Variants in LRP1B observed in about 807,000 individuals in gnomAD.
LRP1B encodes the protein low-density lipoprotein receptor-related protein 1B.
In LRP1B, 217 loss-of-function variants were observed where a neutral mutation model predicts 556.6. That is an observed-to-expected ratio of 0.39 (90% CI 0.35 to 0.44). The LOEUF (loss-of-function observed/expected upper bound fraction) is 0.44. LRP1B is among the 20% of genes least tolerant of loss of function. LRP1B has a pLI of 1.00. For synonymous variants in LRP1B, 2,047 were observed against 1,865.8 expected (o/e 1.10, Z -2.50); for missense variants, 5,053 against 5,620.8 (o/e 0.90, Z 3.23).
intron 7 of LRP1B, among the ~76,000 whole-genome samples, chr2:141,118,045 G>A (rs1206432812): frequency 6.6e-6 from 1 of 151,820 alleles, no homozygotes; most frequent in East Asian, 1.9e-4. Context: ...AAAAAGCCTG[G>A]TACATTATTC....
intron 3 of LRP1B, among the ~76,000 whole-genome samples, chr2:141,436,343 TTA>T (rs1680763826): frequency 6.6e-6 from 1 of 152,100 alleles, no homozygotes; most frequent in African/African-American, 2.4e-5. Context: ...ATAATCTCAA[TTA>T]TATATGGAAT....
rs535625889 is a variant in LRP1B, at chr2:141,764,448, C to T, written c.205+45831G>A. 2.6e-5 allele frequency among the ~76,000 whole-genome samples: 4 copies of T among 152,294 alleles called. No individual in the cohort carries two copies. In the East Asian group the frequency reaches 7.7e-4, roughly 29 times the overall value. On this transcript the variant is annotated intron_variant, in intron 2 of 90. Transcript: ENST00000389484. ...CCACCTGCCTCGGCCTCCCAAAGTG[C>T]TGGGATTACAGGCGTGAGCCACCGC... is the stretch of plus-strand genomic sequence containing the variant.
chr2:141,427,940 T>A (rs1191407963), intron 3 of LRP1B, among the ~76,000 whole-genome samples: 2 of 152,180 alleles, frequency 1.3e-5, no homozygotes, highest in Non-Finnish European at 2.9e-5. Context: ...AGCACTTTTT[T>A]ATAAATCTAA....
At position 140,712,595 on chromosome 2, in the gene LRP1B, C is replaced by T. The variant is rs554277337; in HGVS notation, c.6023+3378G>A. 4.3e-4 allele frequency among the ~76,000 whole-genome samples: 66 copies of T among 152,064 alleles called. No homozygotes were observed. The South Asian group carries it at 9.8e-3, about 22-fold the overall frequency. On this transcript the variant is annotated intron_variant, in intron 37 of 90. Transcript: ENST00000389484. ...TATGAATATGTGCAATATCCCCATA[C>T]TAAGAAAAACCTTATACTCTACAAT...
chr2:140,430,787 G>T (rs1203361573), intron 66 of LRP1B, among the ~76,000 whole-genome samples: 1 of 152,096 alleles, frequency 6.6e-6, no homozygotes, highest in Non-Finnish European at 1.5e-5. Flanking sequence ...TTCCATCCTG[G>T]AAATCTATCC....
intron 27 of LRP1B, among the ~76,000 whole-genome samples, chr2:140,863,736 CGTTTT>C (rs1692866494): frequency 6.6e-6 from 1 of 152,068 alleles, no homozygotes; most frequent in Non-Finnish European, 1.5e-5. Flanking sequence ...AGGTTTGTTT[CGTTTT>C]TAGTACCACA....
rs1684708646 is a variant in LRP1B, at chr2:140,405,828, C to T, written c.10415-19819G>A. ...ACCAAAATATTGAGAAAGATAGAAT[C>T]CTTCCTAAATCATTCTATGAAGCCA... On this transcript the variant is annotated intron_variant, in intron 66 of 90. Transcript: ENST00000389484. Among the ~76,000 whole-genome samples the T allele has an allele frequency of 2.6e-5, 4 of 152,080 alleles. No individual in the cohort carries two copies. In the East Asian group the frequency reaches 5.8e-4, roughly 22 times the overall value.
chr2:140,354,304 A>G lies in LRP1B; in HGVS notation c.11531-1232T>C, dbSNP rs1008510948. Among the ~76,000 whole-genome samples, 9 of 152,100 alleles carry G rather than the reference A, an allele frequency of 5.9e-5. 1 individual carries two copies. Among genetic ancestry groups the G allele is most frequent in the African/African-American group, 2.2e-4 (9 of 41,444 alleles). ...GTTCTAAGGGCTCAGAGGTAGAGACACTTGTAAATCACAACGTCAAGGCTT... is the reference window on the plus strand; with the variant it reads ...GTTCTAAGGGCTCAGAGGTAGAGACGCTTGTAAATCACAACGTCAAGGCTT... On this transcript the variant is annotated intron_variant, in intron 75 of 90. Coordinates refer to ENST00000389484, the MANE Select transcript of LRP1B (RefSeq NM_018557.3).
intron 2 of LRP1B, among the ~76,000 whole-genome samples, chr2:141,624,984 G>T (rs1329874305): frequency 2.6e-5 from 4 of 152,074 alleles, no homozygotes; most frequent in African/African-American, 9.7e-5. Flanking sequence ...TAGCCAGGAT[G>T]GTCTCGATCT....
At position 141,490,930 on chromosome 2, in the gene LRP1B, GTTTTT is replaced by G. The variant is rs67482957; in HGVS notation, c.206-10402_206-10398del. Among the ~76,000 whole-genome samples the G allele has an allele frequency of 3.9e-3, 525 of 135,754 alleles. 5 individuals are homozygous for G. Among genetic ancestry groups the G allele is most frequent in the African/African-American group, 0.012 (437 of 35,548 alleles). 89.1% of individuals were successfully genotyped at this position (135,754 alleles called of 152,430 possible). The stretch of plus-strand genomic sequence containing the variant: ...CCTCCACTTCCACCTAGGTTAAAAT[GTTTTT>G]TTTTTTTTTTTTTTTTTTAATCTCT... On this transcript the variant is annotated intron_variant, in intron 2 of 90. Coordinates refer to ENST00000389484, the MANE Select transcript of LRP1B (RefSeq NM_018557.3).
rs1035352081 is a variant in LRP1B at position 141,483,680 on chromosome 2, T to C, written c.206-3147A>G. On this transcript the variant is annotated intron_variant, in intron 2 of 90. Transcript: ENST00000389484. ...CTAACTGGTGTGAGATGGTATCTCA[T>C]TGTGGTTCTGATTTGCATTTCTCTG... 3.9e-5 allele frequency among the ~76,000 whole-genome samples: 6 copies of C among 152,170 alleles called. No homozygotes were observed. The East Asian group carries it at 5.8e-4, about 15-fold the overall frequency.
At chr2:141,892,189 A>G (rs181828230) in intron 1 of LRP1B, among the ~76,000 whole-genome samples, 30 of 152,034 alleles carry the variant, frequency 2.0e-4, no homozygotes, top group African/African-American at 7.2e-4. Flanking sequence ...ATCAAATACA[A>G]AACAAGATGA....
At chr2:140,860,803 C>T (rs187016094) in intron 27 of LRP1B, among the ~76,000 whole-genome samples, 3 of 151,922 alleles carry the variant, frequency 2.0e-5, no homozygotes, top group African/African-American at 7.2e-5. Context: ...GAAGAAAACA[C>T]CTTTGGGCTG....
chr2:140,967,803 G>GT lies in LRP1B; in HGVS notation c.2887+14356dup, dbSNP rs1357919609. ...TCTGCATCTATTGAAATAATCATGT[G>GT]TTTTTTTGTCTTTGGTTCTGTTTAT... On this transcript the variant is annotated intron_variant, in intron 18 of 90. Transcript: ENST00000389484. Among the ~76,000 whole-genome samples the GT allele has an allele frequency of 2.6e-5, 4 of 151,676 alleles. 1 individual carries two copies. Among genetic ancestry groups the GT allele is most frequent in the African/African-American group, 9.7e-5 (4 of 41,268 alleles).
chr2:140,413,656 A>C (rs937445715), intron 66 of LRP1B, among the ~76,000 whole-genome samples: 9 of 152,232 alleles, frequency 5.9e-5, no homozygotes, highest in Admixed American at 2.0e-4. Flanking sequence ...TTATCTTCAC[A>C]AACATTCACA....
At chr2:140,621,393 AAAAAAAAG>A (rs1280287224) in intron 41 of LRP1B, among the ~76,000 whole-genome samples, 1 of 151,450 alleles carries the variant, frequency 6.6e-6, no homozygotes, top group African/African-American at 2.4e-5. Flanking sequence ...TCAAAAAAAA[AAAAAAAAG>A]AAAAGAAGAA....
Position 141,733,911 on chromosome 2 carries a change from C to A in LRP1B, c.205+76368G>T, listed in dbSNP as rs577866045. ...TGTATGTACATAATTATTATAGAAC[C>A]TATAATGTTTAATTGCACTTATTAC... On this transcript the variant is annotated intron_variant, in intron 2 of 90. Transcript: ENST00000389484. Among the ~76,000 whole-genome samples, 6 of 152,096 alleles carry A rather than the reference C, an allele frequency of 3.9e-5. No individual in the cohort carries two copies. In the East Asian group the frequency reaches 1.2e-3, roughly 29 times the overall value.
intron 71 of LRP1B, among the ~76,000 whole-genome samples, chr2:140,370,445 C>A (rs1365501501): frequency 6.6e-6 from 1 of 151,890 alleles, no homozygotes; most frequent in Non-Finnish European, 1.5e-5. Flanking sequence ...TATACTTGAC[C>A]CGGCATCTAG....
intron 23 of LRP1B, among the ~76,000 whole-genome samples, chr2:140,888,538 C>A (rs1693705982): frequency 6.8e-6 from 1 of 147,802 alleles, no homozygotes; most frequent in African/African-American, 2.5e-5. Context: ...TATAAATTAA[C>A]AACAGGAAGA....
Sources: gnomAD v4.1 joint callset for allele counts (sites outside exome capture counted in the v4.1 genomes callset) on GRCh38, gnomAD v4.1.1 for gene constraint, MANE v1.5 for transcripts, NCBI Gene and HGNC (gene_info 2026-07-23, HGNC 2026-07-21) for gene names.